RHEB: variants seen among roughly 807,000 people sequenced by gnomAD.
RHEB encodes the protein Ras homolog, mTORC1 binding.
RHEB carries 2 observed loss-of-function variants against 28.8 expected under a neutral mutation model. The observed-to-expected ratio is 0.07, with a 90% CI of 0.03 to 0.22. The LOEUF (loss-of-function observed/expected upper bound fraction) is 0.22. Ranked by LOEUF, RHEB falls within the 10% of genes least tolerant of loss-of-function variation. The probability of loss-of-function intolerance (pLI) is 1.00; values close to 1 mark genes in which losing one functional copy is unlikely to be tolerated. For missense variants in RHEB, 76 were observed against 219.9 expected, an observed-to-expected ratio of 0.35 and a Z score of 4.14; for synonymous variants, 69 against 77.3, an observed-to-expected ratio of 0.89 and a Z score of 0.56.
intron 3 of RHEB, among the ~76,000 whole-genome samples, chr7:151,479,809 C>T (rs905470879): frequency 6.6e-6 from 1 of 151,890 alleles, no homozygotes; most frequent in Non-Finnish European, 1.5e-5. Flanking sequence ...CATCTCAGAT[C>T]ATATACAAAA....
At chr7:151,498,015 C>T in intron 1 of RHEB, 2 of 838,436 alleles carry the variant, frequency 2.4e-6, no homozygotes, top group Non-Finnish European at 3.5e-6. Context: ...AGTTGGGTGC[C>T]ACACACTTGA....
rs925100355 is a variant in RHEB at position 151,477,476 on chromosome 7, C to T, written c.193-61G>A. 46 of 972,088 alleles carry T rather than the reference C, an allele frequency of 4.7e-5. No individual in the cohort carries two copies. In the African/African-American group the frequency reaches 6.5e-4, roughly 14 times the overall value. The allele number at this position is 972,088 out of a possible 1,614,324, so 60.2% of individuals were successfully genotyped here. The stretch of plus-strand genomic sequence containing the variant: ...ATATAGCATCACAAACAAACTTTAC[C>T]CAAAGTTTTTCATGTATTACCTGAA... On this transcript the variant is annotated intron_variant, in intron 3 of 7. Transcript: ENST00000262187.
At position 151,472,098 on chromosome 7, in the gene RHEB, T is replaced by C. The variant is rs543339657; in HGVS notation, c.276-493A>G. On this transcript the variant is annotated intron_variant, in intron 4 of 7. Transcript: ENST00000262187. This position sits in a 1 kb window ranked among gnomAD's most constrained non-coding sequence, Gnocchi z 5.2. ...CTCTCACCGGGAAGGGGATCTGAGA[T>C]GTCATAATGATCACTTGAAATCTGC... 6.5e-6 allele frequency: 1 copy of C among 153,024 alleles called. No individual in the cohort carries two copies. Among genetic ancestry groups the C allele is most frequent in the East Asian group, 1.9e-4 (1 of 5,184 alleles). The allele number at this position is 153,024 out of a possible 1,614,324, so 9.5% of individuals were successfully genotyped here.
chr7:151,483,933 C>T (rs764357175), intron 3 of RHEB, among the ~76,000 whole-genome samples: 3 of 152,178 alleles, frequency 2.0e-5, no homozygotes, highest in Non-Finnish European at 2.9e-5. Flanking sequence ...TGATCCATTC[C>T]ACACATCCCT....
intron 1 of RHEB, chr7:151,503,586 C>T: frequency 2.1e-6 from 1 of 484,988 alleles, no homozygotes; most frequent in South Asian, 2.2e-5. Flanking sequence ...TCCATGAGTA[C>T]TGGTTATTGA....
chr7:151,519,883 T>C lies in RHEB; in HGVS notation c.-372A>G. 5.4e-6 allele frequency: 1 copy of C among 185,812 alleles called. No homozygotes were observed. The highest frequency in any genetic ancestry group is 1.1e-5 in the Non-Finnish European group (1 of 89,820). 11.5% of individuals were successfully genotyped at this position (185,812 alleles called of 1,614,324 possible). ...AAAGTCACGACTGAAACTCGCTGCGTCATGACCCTCCCACCTTCTTCCGCC... is the reference window on the plus strand; with the variant it reads ...AAAGTCACGACTGAAACTCGCTGCGCCATGACCCTCCCACCTTCTTCCGCC... On this transcript the variant is annotated 5_prime_UTR_variant, in exon 1 of 8. Coordinates refer to ENST00000262187, the MANE Select transcript of RHEB (RefSeq NM_005614.4).
rs1190379207 is a variant in RHEB at position 151,472,541 on chromosome 7, C to T, written c.276-936G>A. On this transcript the variant is annotated intron_variant, in intron 4 of 7. Coordinates refer to ENST00000262187, the MANE Select transcript of RHEB (RefSeq NM_005614.4). This position sits in a 1 kb window ranked among gnomAD's most constrained non-coding sequence, Gnocchi z 5.2. ...TACAGGCGTGAGCCACCACACCCAG[C>T]CTCAAATGTCACTTCTTACACCTCT... Among the ~76,000 whole-genome samples the T allele has an allele frequency of 6.6e-6, 1 of 152,210 alleles. No individual in the cohort carries two copies. The highest frequency in any genetic ancestry group is 1.5e-5 in the Non-Finnish European group (1 of 68,044).
intron 2 of RHEB, among the ~76,000 whole-genome samples, chr7:151,489,677 T>G (rs61045170): frequency 0.4 from 61,231 of 152,150 alleles, 14,203 homozygotes; most frequent in South Asian, 0.6. Context: ...GTACAGCATG[T>G]AAAGGACAAC....
At position 151,516,554 on chromosome 7, in the gene RHEB, C is replaced by T. The variant is rs139039710; in HGVS notation, c.52+2906G>A. Among the ~76,000 whole-genome samples, 178 of 137,236 alleles carry T rather than the reference C, an allele frequency of 1.3e-3. 2 individuals carry two copies. Among genetic ancestry groups the T allele is most frequent in the African/African-American group, 4.3e-3 (157 of 36,252 alleles). 90.0% of individuals were successfully genotyped at this position (137,236 alleles called of 152,430 possible). On this transcript the variant is annotated intron_variant, in intron 1 of 7. Coordinates refer to ENST00000262187, the MANE Select transcript of RHEB (RefSeq NM_005614.4). Reference sequence around the variant, plus strand: ...AGGAGAATCGGTTGAACCTGGGCAGCAGAGGTTGCAGTGAGCCCAGATCCC... The same window carrying T: ...AGGAGAATCGGTTGAACCTGGGCAGTAGAGGTTGCAGTGAGCCCAGATCCC...
intron 1 of RHEB, chr7:151,501,868 A>G: frequency 1.6e-6 from 1 of 614,366 alleles, no homozygotes. Flanking sequence ...AGGGAAGAGG[A>G]GGCAAGAAGA....
chr7:151,487,746 G>A (rs1033678539), intron 2 of RHEB, among the ~76,000 whole-genome samples: 2 of 152,136 alleles, frequency 1.3e-5, no homozygotes, highest in African/African-American at 2.4e-5. Flanking sequence ...TGGAAAGCTG[G>A]CTTTCTTCTG....
intron 2 of RHEB, among the ~76,000 whole-genome samples, chr7:151,486,860 T>C (rs1054272638): frequency 2.0e-5 from 3 of 152,080 alleles, no homozygotes; most frequent in Non-Finnish European, 4.4e-5. Context: ...TGTAAGAAAA[T>C]GAAGAGTCAG....
intron 1 of RHEB, among the ~76,000 whole-genome samples, chr7:151,518,599 G>A (rs1176518181): frequency 1.3e-5 from 2 of 152,106 alleles, no homozygotes; most frequent in African/African-American, 4.8e-5. Flanking sequence ...CGCTCGTTCT[G>A]TAACACCCCG....
intron 7 of RHEB, among the ~76,000 whole-genome samples, chr7:151,469,431 T>G (rs1802120125): frequency 6.6e-6 from 1 of 152,126 alleles, no homozygotes; most frequent in African/African-American, 2.4e-5. Flanking sequence ...GAAATCTAGG[T>G]GGGGCCTTGA....
chr7:151,515,691 T>C (rs1191753502), intron 1 of RHEB, among the ~76,000 whole-genome samples: 1 of 152,198 alleles, frequency 6.6e-6, no homozygotes. Context: ...AATGATAGGT[T>C]AACTTAAAAA....
At chr7:151,467,448 A>T (rs1802086765) in intron 7 of RHEB, among the ~76,000 whole-genome samples, 1 of 151,956 alleles carries the variant, frequency 6.6e-6, no homozygotes, top group South Asian at 2.1e-4. Context: ...TCCTTCAGGC[A>T]CCAGGAGACG....
At position 151,502,593 on chromosome 7, in the gene RHEB, A is replaced by G. The variant is rs565444032; in HGVS notation, c.53-11579T>C. ...ACAAATTCCATAAAGGGGCTCTTAC[A>G]GCACTACTTTCAGATGACAGCAAGT... On this transcript the variant is annotated intron_variant, in intron 1 of 7. Coordinates refer to ENST00000262187, the MANE Select transcript of RHEB (RefSeq NM_005614.4). 295 of 1,351,610 alleles carry G rather than the reference A, an allele frequency of 2.2e-4. 3 individuals carry two copies. In the South Asian group the frequency reaches 3.1e-3, roughly 14 times the overall value. 83.7% of individuals were successfully genotyped at this position (1,351,610 alleles called of 1,614,324 possible). A position where few individuals can be genotyped will look rare whatever the true frequency, so the allele number is the denominator to read the frequency against.
chr7:151,470,019 G>T (rs941155179), intron 7 of RHEB, among the ~76,000 whole-genome samples: 7 of 152,080 alleles, frequency 4.6e-5, no homozygotes, highest in African/African-American at 1.7e-4. Flanking sequence ...GAAGAGAAGG[G>T]CTCATACAGG....
At chr7:151,489,972 A>G (rs962516009) in intron 2 of RHEB, among the ~76,000 whole-genome samples, 1 of 152,220 alleles carries the variant, frequency 6.6e-6, no homozygotes, top group African/African-American at 2.4e-5. Flanking sequence ...TAATATGCCA[A>G]TCAGGTGTTG....
Sources: allele counts gnomAD v4.1 joint callset (sites outside exome capture counted in the v4.1 genomes callset), GRCh38; gene constraint gnomAD v4.1.1; non-coding constraint Gnocchi (gnomAD v3.1); transcripts MANE v1.5; gene names NCBI Gene and HGNC (gene_info 2026-07-23, HGNC 2026-07-21).